GPRC5D: variants seen among roughly 807,000 people sequenced by gnomAD.
GPRC5D encodes G protein-coupled receptor family C group 5 member D.
A neutral mutation model predicts 29.3 loss-of-function variants in GPRC5D; 20 were observed. The ratio of observed to expected loss-of-function variants is 0.68; its 90% CI spans 0.48 to 0.99. GPRC5D has a LOEUF of 0.99. Ranked by LOEUF, GPRC5D falls within the 50% of genes least tolerant of loss-of-function variation. GPRC5D has a pLI of 0.00. For synonymous variants in GPRC5D, 178 were observed against 171.3 expected, an observed-to-expected ratio of 1.04 and a Z score of -0.30; for missense variants, 384 against 423.6, an observed-to-expected ratio of 0.91 and a Z score of 0.82.
intron 1 of GPRC5D, among the ~76,000 whole-genome samples, chr12:12,944,687 C>G (rs992608447): frequency 6.6e-6 from 1 of 151,950 alleles, no homozygotes; most frequent in Admixed American, 6.6e-5. Context: ...TGAGGTTTGT[C>G]TGTATGCATC....
rs1182481228 is a variant in GPRC5D, at chr12:12,949,479, C to T, written c.895+11G>A. 2 of 1,602,718 alleles carry T rather than the reference C, an allele frequency of 1.2e-6. No individual in the cohort carries two copies. Among genetic ancestry groups the T allele is most frequent in the Non-Finnish European group, 1.7e-6 (2 of 1,172,688 alleles). ...GCACCTCCCTGCTCCCTGAATCCCC[C>T]AGGAATGTACCTCTGGAGAGCTCCT... On this transcript the variant is annotated intron_variant, in intron 1 of 2. Transcript: ENST00000228887.
intron 2 of GPRC5D, among the ~76,000 whole-genome samples, chr12:12,941,585 G>A (rs866245317): frequency 1.3e-5 from 2 of 152,148 alleles, no homozygotes; most frequent in African/African-American, 4.8e-5. Context: ...TGGCTTTCAC[G>A]TTGGGGCTTT....
At chr12:12,944,746 T>C (rs1168137537) in intron 1 of GPRC5D, among the ~76,000 whole-genome samples, 3 of 46,620 alleles carry the variant, frequency 6.4e-5, no homozygotes, top group Non-Finnish European at 1.7e-4. Context: ...CCTTTCTTCC[T>C]TCCTTCCTTC....
At chr12:12,951,261 C>T (rs1197579142), upstream of GPRC5D, among the ~76,000 whole-genome samples, 1 of 152,160 alleles carries the variant, frequency 6.6e-6, no homozygotes, top group Non-Finnish European at 1.5e-5. Context: ...ATGAAGACAC[C>T]TGGGCATATG....
At chr12:12,942,159 T>C (rs1276209820) in intron 2 of GPRC5D, 102 bp downstream of exon 3, 6 of 800,994 alleles carry the variant, frequency 7.5e-6, no homozygotes, top group Non-Finnish European at 1.1e-5. Context: ...CTGTCTCTCC[T>C]CTCTCAGGTC....
intron 1 of GPRC5D, among the ~76,000 whole-genome samples, chr12:12,948,985 G>T (rs1312514132): frequency 6.6e-6 from 1 of 152,194 alleles, no homozygotes; most frequent in Non-Finnish European, 1.5e-5. Context: ...TGGGCTTTAT[G>T]GCTTTAATGA....
intron 1 of GPRC5D, among the ~76,000 whole-genome samples, chr12:12,947,539 T>C (rs4763909): frequency 1.3e-4 from 19 of 151,492 alleles, no homozygotes; most frequent in Non-Finnish European, 2.2e-4. Flanking sequence ...CTTCCTTCCT[T>C]CCTCCCTCCC....
At chr12:12,950,469 T>G, upstream of GPRC5D, 1 of 930,978 alleles carries the variant, frequency 1.1e-6, no homozygotes, top group Non-Finnish European at 1.6e-6. Flanking sequence ...ACTCTGCATC[T>G]CTTAGGTTGG....
At chr12:12,946,319 TTCTTTCTTTC>T (rs1320579895) in intron 1 of GPRC5D, among the ~76,000 whole-genome samples, 1 of 145,128 alleles carries the variant, frequency 6.9e-6, no homozygotes, top group African/African-American at 2.6e-5. Flanking sequence ...TTTTCTTTCT[TTCTTTCTTTC>T]TTTCTTTCTT....
rs1565477340 is a variant in GPRC5D at position 12,944,840 on chromosome 12, TCCTTCC to T, written c.896-2518_896-2513del. On this transcript the variant is annotated intron_variant, in intron 1 of 2. Transcript: ENST00000228887. Reference sequence around the variant, plus strand: ...TTCCTTCCTTCCTTCCTTCCTTCCTTCCTTCCTTCCTTCTTTCTTTCTTTCTTTCTT... The same window carrying T: ...TTCCTTCCTTCCTTCCTTCCTTCCTTTTCCTTCTTTCTTTCTTTCTTTCTT... Among the ~76,000 whole-genome samples, 43 of 39,604 alleles carry T rather than the reference TCCTTCC, an allele frequency of 1.1e-3. 2 individuals are homozygous for T. The highest frequency in any genetic ancestry group is 1.6e-3 in the African/African-American group (28 of 17,088). 26.0% of individuals were successfully genotyped at this position (39,604 alleles called of 152,430 possible). A position where few individuals can be genotyped will look rare whatever the true frequency, so the allele number is the denominator to read the frequency against.
chr12:12,940,996 C>G (rs540196767), intron 2 of GPRC5D, 147 bp from the exon 4 acceptor site: 2 of 560,672 alleles, frequency 3.6e-6, no homozygotes, highest in South Asian at 1.9e-5. Context: ...ACTGCAAACT[C>G]TGCCTCACAG....
At chr12:12,951,698 C>T (rs999184771), upstream of GPRC5D, among the ~76,000 whole-genome samples, 3 of 152,208 alleles carry the variant, frequency 2.0e-5, no homozygotes, top group South Asian at 4.1e-4. Flanking sequence ...GGACTGCCAA[C>T]ATTAATGGAT....
intron 2 of GPRC5D, 21 bp downstream of exon 3, chr12:12,942,240 A>G: frequency 6.6e-7 from 1 of 1,513,090 alleles, no homozygotes; most frequent in African/African-American, 1.4e-5. Context: ...CTCCTGGGTG[A>G]ATATAGGCGA....
rs1565477439 is a variant in GPRC5D, at chr12:12,944,849, CCTTCTT to C, written c.896-2527_896-2522del. Among the ~76,000 whole-genome samples the C allele has an allele frequency of 9.9e-4, 49 of 49,734 alleles. 1 individual carries two copies. The highest frequency in any genetic ancestry group is 9.8e-3 in the Middle Eastern group (1 of 102). 32.6% of individuals were successfully genotyped at this position (49,734 alleles called of 152,430 possible). On this transcript the variant is annotated intron_variant, in intron 1 of 2. Coordinates refer to ENST00000228887, the Ensembl canonical transcript of GPRC5D. ...TCCTTCCTTCCTTCCTTCCTTCCTTCCTTCTTTCTTTCTTTCTTTCTTTCTTTCTTT... is the reference window on the plus strand; with the variant it reads ...TCCTTCCTTCCTTCCTTCCTTCCTTCTCTTTCTTTCTTTCTTTCTTTCTTT...
At chr12:12,948,503 T>G (rs2136503039) in intron 1 of GPRC5D, 1 of 154,520 alleles carries the variant, frequency 6.5e-6, no homozygotes, top group East Asian at 1.9e-4. Context: ...TTGAGCCTGG[T>G]GAACATTATG....
At chr12:12,947,359 G>A (rs923057522) in intron 1 of GPRC5D, 5 of 152,076 alleles carry the variant, frequency 3.3e-5, no homozygotes, top group African/African-American at 4.8e-5. Flanking sequence ...GTTTTTCCTA[G>A]CTAGGTGGAA....
At chr12:12,950,734 G>T (rs1863475336), upstream of GPRC5D, among the ~76,000 whole-genome samples, 1 of 151,946 alleles carries the variant, frequency 6.6e-6, no homozygotes, top group African/African-American at 2.4e-5. Flanking sequence ...TTGAACCCAG[G>T]AGACAGAGTT....
downstream of GPRC5D, chr12:12,940,631 C>T (rs1342271731): frequency 5.5e-6 from 3 of 542,022 alleles, no homozygotes; most frequent in African/African-American, 3.8e-5. Context: ...GGTGGAGGGT[C>T]CTGGTGGATG....
chr12:12,950,004 C>A, exon 1 of GPRC5D: 1 of 1,614,076 alleles, frequency 6.2e-7, no homozygotes, highest in Non-Finnish European at 8.5e-7. Context: ...ACAGAATTGT[C>A]GTCCAGGAGA....
Sources: gnomAD v4.1 joint callset for allele counts (sites outside exome capture counted in the v4.1 genomes callset) on GRCh38, gnomAD v4.1.1 for gene constraint, MANE v1.5 for transcripts, NCBI Gene and HGNC (gene_info 2026-07-23, HGNC 2026-07-21) for gene names.